Variants in STX7 observed in about 807,000 individuals in gnomAD.
The protein encoded by STX7 is syntaxin 7.
Under a neutral mutation model 39.6 loss-of-function variants are expected in STX7, and 34 were observed. The ratio of observed to expected loss-of-function variants is 0.86; its 90% CI spans 0.65 to 1.14. The LOEUF is 1.14. STX7 is among the 50% of genes most tolerant of loss of function. STX7 has a pLI of 0.00. For missense variants in STX7, 284 were observed against 310.4 expected (o/e 0.92, Z 0.64); for synonymous variants, 119 against 99.1 (o/e 1.20, Z -1.19).
intron 2 of STX7, among the ~76,000 whole-genome samples, chr6:132,501,588 C>A (rs1397935606): frequency 1.3e-5 from 2 of 152,118 alleles, no homozygotes; most frequent in Non-Finnish European, 2.9e-5. Flanking sequence ...CATGTTCACA[C>A]ACAATCTTCA....
rs1774187967 is a variant in STX7, at chr6:132,453,727, T to C, written c.*7031A>G. On this transcript the variant is annotated 3_prime_UTR_variant, in exon 10 of 10. Transcript: ENST00000367941. ...GGAAAATGGTAAATCAAAACTGCAATGAGCTGTCACTATACACTTATCAGA... is the reference window on the plus strand; with the variant it reads ...GGAAAATGGTAAATCAAAACTGCAACGAGCTGTCACTATACACTTATCAGA... 1 of 151,952 alleles carries C rather than the reference T, an allele frequency of 6.6e-6. No individual in the cohort carries two copies. The highest frequency in any genetic ancestry group is 1.5e-5 in the Non-Finnish European group (1 of 67,932). 9.4% of individuals were successfully genotyped at this position (151,952 alleles called of 1,614,324 possible).
At chr6:132,461,672 T>A in intron 9 of STX7, 1 of 678,056 alleles carries the variant, frequency 1.5e-6, no homozygotes, top group Non-Finnish European at 2.4e-6. Flanking sequence ...AAAATCATTC[T>A]CATTCTTTAA....
At chr6:132,463,104 G>A (rs1314853809) in intron 9 of STX7, among the ~76,000 whole-genome samples, 2 of 151,922 alleles carry the variant, frequency 1.3e-5, no homozygotes, top group Admixed American at 6.6e-5. Flanking sequence ...CACTATTCGG[G>A]AGGCTGAGGC....
At chr6:132,463,798 C>T (rs1208750026) in intron 9 of STX7, among the ~76,000 whole-genome samples, 195 bp downstream of exon 9, 1 of 152,138 alleles carries the variant, frequency 6.6e-6, no homozygotes, top group Non-Finnish European at 1.5e-5. Context: ...TCTGGTTCAA[C>T]CCTGAGAAGA....
At chr6:132,472,234 GT>G (rs776077100) in intron 4 of STX7, 47 bp downstream of exon 4, 6 of 1,470,852 alleles carry the variant, frequency 4.1e-6, no homozygotes, top group Admixed American at 2.0e-5. Context: ...AGTGCACTGG[GT>G]TTTTTTCACA....
chr6:132,498,377 C>G (rs77963599), intron 2 of STX7, among the ~76,000 whole-genome samples: 225 of 151,706 alleles, frequency 1.5e-3, no homozygotes, highest in African/African-American at 5.2e-3. Context: ...GGTCTTAAAC[C>G]AAAAAAATGG....
At chr6:132,512,372 C>T (rs1349013093) in intron 1 of STX7, among the ~76,000 whole-genome samples, 1 of 151,890 alleles carries the variant, frequency 6.6e-6, no homozygotes, top group Non-Finnish European at 1.5e-5. Flanking sequence ...AACTAGAAAA[C>T]AAGGTGGAGG....
At chr6:132,488,769 T>G (rs1775204285) in intron 2 of STX7, among the ~76,000 whole-genome samples, 1 of 152,128 alleles carries the variant, frequency 6.6e-6, no homozygotes, top group Non-Finnish European at 1.5e-5. Flanking sequence ...TATCTAGCAG[T>G]TGCATATAAG....
At chr6:132,468,518 C>A (rs1439092510) in intron 7 of STX7, 43 bp from the exon 8 acceptor site, 1 of 1,510,534 alleles carries the variant, frequency 6.6e-7, no homozygotes, top group Admixed American at 2.1e-5. Context: ...AAATTCAGTC[C>A]CCATTCCATA....
At chr6:132,509,297 A>C (rs9493339) in intron 1 of STX7, among the ~76,000 whole-genome samples, 9,283 of 151,842 alleles carry the variant, frequency 0.061, 353 homozygotes, top group East Asian at 0.16. Flanking sequence ...ATCTCTACTA[A>C]AAAAATTAAC....
In STX7 at chr6:132,454,921, C is replaced by T. The variant is rs1198453424; in HGVS notation, c.*5837G>A. On this transcript the variant is annotated 3_prime_UTR_variant, in exon 10 of 10. Transcript: ENST00000367941. ...ACTTAAATGTTAAAACTATGATAAC[C>T]TTTATGAGGCTGAACATTAAATCTG... 1 of 151,772 alleles carries T rather than the reference C, an allele frequency of 6.6e-6. No individual in the cohort carries two copies. Among genetic ancestry groups the T allele is most frequent in the African/African-American group, 2.4e-5 (1 of 41,324 alleles). 9.4% of individuals were successfully genotyped at this position (151,772 alleles called of 1,614,324 possible). A position where few individuals can be genotyped will look rare whatever the true frequency, so the allele number is the denominator to read the frequency against.
chr6:132,466,761 A>T (rs1193129625), intron 8 of STX7, among the ~76,000 whole-genome samples: 1 of 152,110 alleles, frequency 6.6e-6, no homozygotes, highest in Non-Finnish European at 1.5e-5. Flanking sequence ...GGGCACCTCA[A>T]ACTTAACATA....
At chr6:132,509,823 G>C (rs1298899298) in intron 1 of STX7, among the ~76,000 whole-genome samples, 1 of 152,128 alleles carries the variant, frequency 6.6e-6, no homozygotes, top group Non-Finnish European at 1.5e-5. Context: ...TTGATTAAAA[G>C]CTTATGATCT....
chr6:132,503,840 G>A lies in STX7; in HGVS notation c.-58-252C>T, dbSNP rs2842884. 6.6e-5 allele frequency among the ~76,000 whole-genome samples: 10 copies of A among 151,722 alleles called. No individual in the cohort carries two copies. The East Asian group carries it at 1.2e-3, about 18-fold the overall frequency. On this transcript the variant is annotated intron_variant, in intron 1 of 9. Coordinates refer to ENST00000367941, the MANE Select transcript of STX7 (RefSeq NM_003569.3). Reference sequence around the variant, plus strand: ...CAAATTGCATATTTCCTTTGAAAACGTCTTTGATCTCTTCAAGAAAAATTA... The same window carrying A: ...CAAATTGCATATTTCCTTTGAAAACATCTTTGATCTCTTCAAGAAAAATTA...
chr6:132,484,744 T>C (rs942087493), intron 2 of STX7, among the ~76,000 whole-genome samples: 2 of 152,146 alleles, frequency 1.3e-5, no homozygotes, highest in East Asian at 1.9e-4. Context: ...AGAAGTACAA[T>C]TGAAGGCTGA....
chr6:132,470,334 G>C (rs953185723), intron 6 of STX7, among the ~76,000 whole-genome samples: 1 of 151,882 alleles, frequency 6.6e-6, no homozygotes, highest in South Asian at 2.1e-4. Context: ...CCTCATATAA[G>C]GGAATGTCTA....
At chr6:132,499,711 C>CT (rs1346990983) in intron 2 of STX7, among the ~76,000 whole-genome samples, 1 of 152,130 alleles carries the variant, frequency 6.6e-6, no homozygotes, top group Non-Finnish European at 1.5e-5. Context: ...TTCCAGGCCT[C>CT]TTCTCTTTCC....
intron 2 of STX7, among the ~76,000 whole-genome samples, chr6:132,496,001 A>T (rs1775413179): frequency 6.6e-6 from 1 of 152,222 alleles, no homozygotes; most frequent in African/African-American, 2.4e-5. Context: ...ACAAGTGAAG[A>T]TTCAACAAAA....
chr6:132,506,080 T>TAA (rs1052939886), intron 1 of STX7, among the ~76,000 whole-genome samples: 3 of 140,330 alleles, frequency 2.1e-5, no homozygotes, highest in African/African-American at 7.8e-5. Flanking sequence ...TGTCAACATA[T>TAA]AAAAAAAAAA....
Sources: gnomAD v4.1 joint callset for allele counts (sites outside exome capture counted in the v4.1 genomes callset) on GRCh38, gnomAD v4.1.1 for gene constraint, MANE v1.5 for transcripts, NCBI Gene and HGNC (gene_info 2026-07-23, HGNC 2026-07-21) for gene names.